Variants in DAB2IP observed in about 807,000 individuals in gnomAD.
The protein encoded by DAB2IP is disabled homolog 2-interacting protein.
DAB2IP carries 28 observed loss-of-function variants against 107.2 expected under a neutral mutation model. The ratio of observed to expected loss-of-function variants is 0.26; its 90% CI spans 0.19 to 0.36. The LOEUF (loss-of-function observed/expected upper bound fraction) is 0.36. DAB2IP is among the 10% of genes least tolerant of loss of function. DAB2IP has a pLI of 1.00. For synonymous variants in DAB2IP, 755 were observed against 706.4 expected, an observed-to-expected ratio of 1.07 and a Z score of -1.09; for missense variants, 1,400 against 1,644.7, an observed-to-expected ratio of 0.85 and a Z score of 2.57.
intron 2 of DAB2IP, among the ~76,000 whole-genome samples, chr9:121,687,832 C>T (rs574981609): frequency 3.9e-5 from 6 of 152,308 alleles, no homozygotes; most frequent in South Asian, 2.1e-4. Flanking sequence ...GTTCTCACAG[C>T]GCCTGGACCA....
chr9:121,776,126 C>G lies in DAB2IP; in HGVS notation c.3121-72C>G. On this transcript the variant is annotated intron_variant, in intron 13 of 15. Transcript: ENST00000408936. The surrounding 1 kb of genome is among the most constrained non-coding windows in gnomAD (Gnocchi z 5.4). ...AGTGGGGCTCCCTCCTACCCTTCCT[C>G]CCACTCGGGCTGACGAAGCTGTGCT... 1 of 1,520,684 alleles carries G rather than the reference C, an allele frequency of 6.6e-7. No homozygotes were observed. 94.2% of individuals were successfully genotyped at this position (1,520,684 alleles called of 1,614,324 possible). A position where few individuals can be genotyped will look rare whatever the true frequency, so the allele number is the denominator to read the frequency against.
chr9:121,782,340 A>G lies in DAB2IP; in HGVS notation c.3412A>G (p.Ile1138Val). The G allele has an allele frequency of 6.2e-7, 1 of 1,613,702 alleles. No homozygotes were observed. Among genetic ancestry groups the G allele is most frequent in the Non-Finnish European group, 8.5e-7 (1 of 1,179,826 alleles). The change falls in exon 16 of 16, where the codon ATT (isoleucine) becomes GTT (valine). Residue 1138 changes from isoleucine to valine, a missense_variant. This residue lies in a region of DAB2IP where 600 missense variants were observed against 659.1 expected (regional missense o/e 0.91). Transcript: ENST00000408936. This position sits in a 1 kb window ranked among gnomAD's most constrained non-coding sequence, Gnocchi z 6.1. ...TCCCCATTGTCCACAGGAGAAGCGC[A>G]TTGCCTCGTTGGATGCCGCCAATGC... is the stretch of plus-strand genomic sequence containing the variant.
At position 121,773,324 on chromosome 9, in the gene DAB2IP, C is replaced by T. The variant is rs752431480; in HGVS notation, c.2796C>T (p.Arg932=). ...CCCCGCCGCCACCTCCTGCCCCCCG[C>T]GGCCGGACGCCCCCCAACCTGCTGA... Residue 932 remains arginine (R), a synonymous_variant, in exon 12 of 16, where the codon CGC becomes CGT. Coordinates refer to ENST00000408936, the Ensembl canonical transcript of DAB2IP. 3.3e-5 allele frequency: 50 copies of T among 1,534,202 alleles called. No individual in the cohort carries two copies. The Middle Eastern group carries it at 5.9e-4, about 18-fold the overall frequency.
intron 2 of DAB2IP, among the ~76,000 whole-genome samples, chr9:121,693,617 G>T (rs1239408606): frequency 6.6e-6 from 1 of 152,250 alleles, no homozygotes; most frequent in Admixed American, 6.5e-5. Context: ...GGCCCACAGG[G>T]TTCTGCCTCC....
In DAB2IP at chr9:121,698,948, G is replaced by C. The variant is rs1380639803; in HGVS notation, c.229-377G>C. 6.6e-6 allele frequency among the ~76,000 whole-genome samples: 1 copy of C among 151,884 alleles called. No homozygotes were observed. Among genetic ancestry groups the C allele is most frequent in the Non-Finnish European group, 1.5e-5 (1 of 67,882 alleles). ...GTGAGCGGGGCGGCCGGCCCTGGCG[G>C]TCCCCGGGGGTCTCCGCCCCTCCGC... On this transcript the variant is annotated intron_variant, in intron 2 of 15. Coordinates refer to ENST00000408936, the Ensembl canonical transcript of DAB2IP. The surrounding 1 kb of genome is among the most constrained non-coding windows in gnomAD (Gnocchi z 4.1).
intron 1 of DAB2IP, among the ~76,000 whole-genome samples, chr9:121,632,064 G>A (rs1014338490): frequency 2.0e-5 from 3 of 152,120 alleles, no homozygotes; most frequent in Admixed American, 1.3e-4. Flanking sequence ...GACAGGGGCC[G>A]TCCCAGCCAT....
upstream of DAB2IP, among the ~76,000 whole-genome samples, chr9:121,648,790 T>C (rs1004537761): frequency 2.0e-5 from 3 of 152,168 alleles, no homozygotes; most frequent in Non-Finnish European, 4.4e-5. Flanking sequence ...ACCAGACCTT[T>C]AGCCCTGTAG....
At chr9:121,641,166 A>T (rs1832273741) in intron 1 of DAB2IP, among the ~76,000 whole-genome samples, 1 of 152,230 alleles carries the variant, frequency 6.6e-6, no homozygotes, top group African/African-American at 2.4e-5. Flanking sequence ...GAGCAGGTGC[A>T]GAAATTATAG....
Position 121,727,730 on chromosome 9 carries a change from G to C in DAB2IP, c.362+28272G>C, listed in dbSNP as rs1194310222. Among the ~76,000 whole-genome samples, 3 of 152,358 alleles carry C rather than the reference G, an allele frequency of 2.0e-5. No individual in the cohort carries two copies. The East Asian group carries it at 5.8e-4, about 29-fold the overall frequency. ...GGGCAGGTGAGGAGCTAATGTATCT[G>C]TTAACACTTGTGTATTTCCTTTTCC... is the stretch of plus-strand genomic sequence containing the variant. On this transcript the variant is annotated intron_variant, in intron 3 of 15. Coordinates refer to ENST00000408936, the Ensembl canonical transcript of DAB2IP.
intron 3 of DAB2IP, among the ~76,000 whole-genome samples, chr9:121,706,032 T>G (rs901275488): frequency 1.3e-5 from 2 of 152,108 alleles, no homozygotes. Context: ...CCTTCCAGGG[T>G]GGCAGGGTGT....
chr9:121,759,602 C>T (rs1587968438), intron 5 of DAB2IP, among the ~76,000 whole-genome samples: 1 of 152,204 alleles, frequency 6.6e-6, no homozygotes, highest in African/African-American at 2.4e-5. Context: ...CAGTCTCGCC[C>T]TCTATGAGAT....
At chr9:121,658,301 G>T (rs1445062576) in intron 1 of DAB2IP, among the ~76,000 whole-genome samples, 10 of 152,200 alleles carry the variant, frequency 6.6e-5, no homozygotes, top group Non-Finnish European at 1.3e-4. Flanking sequence ...GTATTTCCTG[G>T]TCAGGAACAT....
chr9:121,625,583 C>T (rs932426334), intron 1 of DAB2IP, among the ~76,000 whole-genome samples: 3 of 151,954 alleles, frequency 2.0e-5, no homozygotes, highest in African/African-American at 7.3e-5. Context: ...TTTGAATCTC[C>T]CTTTGGCAGT....
intron 3 of DAB2IP, among the ~76,000 whole-genome samples, chr9:121,725,360 G>A (rs1831180754): frequency 6.6e-6 from 1 of 152,158 alleles, no homozygotes; most frequent in African/African-American, 2.4e-5. Context: ...GCCAATTGGC[G>A]GGCCCTGGTC....
In DAB2IP at chr9:121,757,000, A is replaced by G. The variant is rs774201634; in HGVS notation, c.363-13A>G. 4 of 1,613,680 alleles carry G rather than the reference A, an allele frequency of 2.5e-6. No individual in the cohort carries two copies. The highest frequency in any genetic ancestry group is 2.2e-5 in the East Asian group (1 of 44,878). ...CTGTGGGGGCCCACCTGACACACCT[A>G]CTGCCACCCCAGGTCCCATCTGATG... On this transcript the variant is annotated splice_polypyrimidine_tract_variant and intron_variant, in intron 3 of 15. Transcript: ENST00000408936.
intron 1 of DAB2IP, among the ~76,000 whole-genome samples, chr9:121,583,779 T>C (rs1030411277): frequency 3.3e-5 from 5 of 152,210 alleles, no homozygotes; most frequent in African/African-American, 4.8e-5. Flanking sequence ...TCTAGGCCAG[T>C]GGTTTTCCCG....
intron 3 of DAB2IP, among the ~76,000 whole-genome samples, chr9:121,741,025 C>A (rs1262812854): frequency 6.6e-6 from 1 of 152,086 alleles, no homozygotes; most frequent in East Asian, 1.9e-4. Flanking sequence ...GGTTAAGGCA[C>A]CCAGGTCTCC....
chr9:121,715,678 C>G (rs1830564601), intron 3 of DAB2IP, among the ~76,000 whole-genome samples: 1 of 152,154 alleles, frequency 6.6e-6, no homozygotes, highest in South Asian at 2.1e-4. Context: ...TTCTGATGAT[C>G]AAAATGCCAG....
chr9:121,766,179 A>T lies in DAB2IP; in HGVS notation c.1461-315A>T, dbSNP rs115304441. 5.3e-3 allele frequency among the ~76,000 whole-genome samples: 813 copies of T among 152,288 alleles called. 8 individuals are homozygous for T. Among genetic ancestry groups the T allele is most frequent in the African/African-American group, 0.019 (775 of 41,574 alleles). Reference sequence around the variant, plus strand: ...AGGTGGTTCAGCACTGGCCCTTGGCAGTTAATTCCGGTTAGGACGGAGAGC... The same window carrying T: ...AGGTGGTTCAGCACTGGCCCTTGGCTGTTAATTCCGGTTAGGACGGAGAGC... On this transcript the variant is annotated intron_variant, in intron 8 of 15. Coordinates refer to ENST00000408936, the Ensembl canonical transcript of DAB2IP.
Sources: gnomAD v4.1 joint callset for allele counts (sites outside exome capture counted in the v4.1 genomes callset) on GRCh38, gnomAD v4.1.1 for gene constraint, gnomAD v4.1.1 regional missense constraint, Gnocchi (gnomAD v3.1) non-coding constraint, MANE v1.5 for transcripts, NCBI Gene and HGNC (gene_info 2026-07-23, HGNC 2026-07-21) for gene names.